The following STRBP variants were observed in gnomAD, a reference collection of about 807,000 sequenced individuals.
STRBP encodes the protein spermatid perinuclear RNA binding protein, also known as spermatid perinuclear RNA-binding protein.
STRBP carries 13 observed loss-of-function variants against 80.1 expected under a neutral mutation model. The observed-to-expected ratio is 0.16, with a 90% CI of 0.11 to 0.26. The LOEUF is 0.26. Ranked by LOEUF, STRBP falls within the 10% of genes least tolerant of loss-of-function variation. STRBP has a pLI of 1.00. For synonymous variants in STRBP, 284 were observed against 291.2 expected, an observed-to-expected ratio of 0.98 and a Z score of 0.25; for missense variants, 485 against 815.2, an observed-to-expected ratio of 0.59 and a Z score of 4.93.
At chr9:123,133,190 G>GGA (rs2036213026) in intron 16 of STRBP, among the ~76,000 whole-genome samples, 1 of 152,092 alleles carries the variant, frequency 6.6e-6, no homozygotes, top group Non-Finnish European at 1.5e-5. Flanking sequence ...TTTGCTTGAG[G>GGA]GTTATCCAGA....
chr9:123,162,253 C>T (rs1193386346), intron 6 of STRBP, among the ~76,000 whole-genome samples: 10 of 150,204 alleles, frequency 6.7e-5, no homozygotes, highest in Admixed American at 3.3e-4. Context: ...GAGACAGGTT[C>T]GTCCTTTGTC....
intron 8 of STRBP, among the ~76,000 whole-genome samples, chr9:123,159,895 T>C (rs2037450253): frequency 6.6e-6 from 1 of 152,214 alleles, no homozygotes; most frequent in East Asian, 1.9e-4. Context: ...CTGACTTTAA[T>C]TACTAACATG....
intron 2 of STRBP, among the ~76,000 whole-genome samples, chr9:123,219,998 T>A (rs1043667246): frequency 8.5e-5 from 13 of 152,060 alleles, no homozygotes; most frequent in Non-Finnish European, 1.8e-4. Context: ...AACTTTCTGA[T>A]AAACAAAAAC....
At chr9:123,145,241 C>G (rs2132346584) in intron 13 of STRBP, among the ~76,000 whole-genome samples, 1 of 152,296 alleles carries the variant, frequency 6.6e-6, no homozygotes, top group African/African-American at 2.4e-5. Flanking sequence ...AAGCTTACAG[C>G]CCCTCCGTGT....
At chr9:123,253,702 T>C (rs1385655517) in intron 1 of STRBP, among the ~76,000 whole-genome samples, 1 of 152,266 alleles carries the variant, frequency 6.6e-6, no homozygotes, top group Admixed American at 6.5e-5. Flanking sequence ...ATTATGTGCC[T>C]GACACATTCT....
intron 2 of STRBP, among the ~76,000 whole-genome samples, chr9:123,190,241 C>A (rs565798285): frequency 1.9e-4 from 29 of 151,106 alleles, no homozygotes; most frequent in Admixed American, 7.2e-4. Flanking sequence ...GATCGTGCCA[C>A]TGCACTCCAC....
At chr9:123,241,635 T>A (rs1371434876) in intron 1 of STRBP, among the ~76,000 whole-genome samples, 2 of 151,550 alleles carry the variant, frequency 1.3e-5, no homozygotes, top group African/African-American at 2.4e-5. Context: ...AAAAAAAAAA[T>A]CTAGGCATTA....
chr9:123,167,193 T>C (rs1016349222), intron 6 of STRBP, among the ~76,000 whole-genome samples: 8 of 152,010 alleles, frequency 5.3e-5, no homozygotes, highest in Admixed American at 3.3e-4. Context: ...GAGGTGTGTA[T>C]GTATTGTGAA....
At position 123,128,266 on chromosome 9, in the gene STRBP, AAAG is replaced by A. The variant is rs777051747; in HGVS notation, c.1898-11_1898-9del. ...CATATGGTGTTCCATAGCCTAGTGC[AAAG>A]AAGAAGAAGGCAGATCAGTCCAAGA... On this transcript the variant is annotated splice_polypyrimidine_tract_variant and intron_variant, in intron 17 of 18. Coordinates refer to ENST00000348403, the MANE Select transcript of STRBP (RefSeq NM_018387.5). 4.2e-5 allele frequency: 68 copies of A among 1,613,964 alleles called. No individual in the cohort carries two copies. The highest frequency in any genetic ancestry group is 5.3e-5 in the Non-Finnish European group (62 of 1,179,972).
intron 17 of STRBP, among the ~76,000 whole-genome samples, chr9:123,131,303 T>C (rs1489566465): frequency 4.6e-5 from 7 of 152,210 alleles, no homozygotes; most frequent in Admixed American, 4.6e-4. Flanking sequence ...ACACTGTGCT[T>C]AGGGTTCTAA....
downstream of STRBP, among the ~76,000 whole-genome samples, chr9:123,121,083 T>C (rs756741609): frequency 1.8e-4 from 28 of 152,174 alleles, no homozygotes; most frequent in African/African-American, 5.8e-4. Context: ...TGGTACCTAA[T>C]AGGCACTGGG....
intron 2 of STRBP, among the ~76,000 whole-genome samples, chr9:123,193,551 T>C (rs1448108068): frequency 6.6e-6 from 1 of 152,216 alleles, no homozygotes; most frequent in Non-Finnish European, 1.5e-5. Context: ...GGCATAAATA[T>C]TAGAATTTTA....
chr9:123,210,387 A>G (rs1417748889), intron 2 of STRBP, among the ~76,000 whole-genome samples: 1 of 152,122 alleles, frequency 6.6e-6, no homozygotes, highest in East Asian at 1.9e-4. Context: ...AACATCAAGA[A>G]TACAAAAAGA....
At chr9:123,263,234 G>A (rs1200914060) in intron 1 of STRBP, among the ~76,000 whole-genome samples, 1 of 152,134 alleles carries the variant, frequency 6.6e-6, no homozygotes, top group African/African-American at 2.4e-5. Flanking sequence ...TCGGAGCTGG[G>A]TATCACCAAG....
chr9:123,232,559 T>C (rs187565154), intron 2 of STRBP, among the ~76,000 whole-genome samples: 32 of 152,306 alleles, frequency 2.1e-4, no homozygotes, highest in South Asian at 1.0e-3. Flanking sequence ...TCAGGCAAGC[T>C]GAACCAGGGT....
chr9:123,228,376 T>C (rs1220351138), intron 2 of STRBP, among the ~76,000 whole-genome samples: 1 of 152,062 alleles, frequency 6.6e-6, no homozygotes, highest in Non-Finnish European at 1.5e-5. Flanking sequence ...AGATCTCCAA[T>C]GGACACGCCA....
intron 1 of STRBP, among the ~76,000 whole-genome samples, chr9:123,246,548 T>C (rs866003630): frequency 2.6e-4 from 39 of 152,324 alleles, no homozygotes; most frequent in Middle Eastern, 3.4e-3. Context: ...AATTATACTG[T>C]ATAAATTATT....
At chr9:123,219,288 C>T (rs2039998352) in intron 2 of STRBP, among the ~76,000 whole-genome samples, 2 of 152,152 alleles carry the variant, frequency 1.3e-5, no homozygotes, top group Non-Finnish European at 2.9e-5. Flanking sequence ...CCTTTATTCA[C>T]GTAACTTCCC....
At chr9:123,167,265 GAAAA>G (rs2037809622) in intron 6 of STRBP, among the ~76,000 whole-genome samples, 1 of 150,082 alleles carries the variant, frequency 6.7e-6, no homozygotes, top group Non-Finnish European at 1.5e-5. Context: ...ATGTCTCCAA[GAAAA>G]AAGTTACAAT....
Sources: allele counts gnomAD v4.1 joint callset (sites outside exome capture counted in the v4.1 genomes callset), GRCh38; gene constraint gnomAD v4.1.1; transcripts MANE v1.5; gene names NCBI Gene and HGNC (gene_info 2026-07-23, HGNC 2026-07-21).